KLHL42: variants seen among roughly 807,000 people sequenced by gnomAD.
KLHL42 encodes kelch-like protein 42.
A neutral mutation model predicts 32.7 loss-of-function variants in KLHL42; 27 were observed. The ratio of observed to expected loss-of-function variants is 0.83; its 90% CI spans 0.61 to 1.14. The LOEUF (loss-of-function observed/expected upper bound fraction) is 1.14, where lower values mean the gene tolerates loss of function less well. Among genes scored for constraint, KLHL42 ranks in the 50% most tolerant of loss-of-function variants. The pLI is 0.00. For missense variants in KLHL42, 491 were observed against 560.8 expected (o/e 0.88, Z 1.26); for synonymous variants, 267 against 248.2 (o/e 1.08, Z -0.71).
chr12:27,788,694 C>T (rs573355218), intron 1 of KLHL42, among the ~76,000 whole-genome samples: 214 of 152,284 alleles, frequency 1.4e-3, no homozygotes, highest in Middle Eastern at 3.4e-3. Context: ...GACCCTGTCT[C>T]TTAAAAAGCT....
chr12:27,799,972 T>G lies in KLHL42; in HGVS notation c.*1806T>G. On this transcript the variant is annotated 3_prime_UTR_variant, in exon 3 of 3. Transcript: ENST00000381271. The stretch of plus-strand genomic sequence containing the variant: ...TTCCCAGGAATAGTACTTAATAGAT[T>G]TTAATGTTAATTTATATTCATTGTA... 1 of 893,134 alleles carries G rather than the reference T, an allele frequency of 1.1e-6. No individual in the cohort carries two copies. Among genetic ancestry groups the G allele is most frequent in the Non-Finnish European group, 1.3e-6 (1 of 745,878 alleles). The allele number at this position is 893,134 out of a possible 1,614,324, so 55.3% of individuals were successfully genotyped here. A position where few individuals can be genotyped will look rare whatever the true frequency, so the allele number is the denominator to read the frequency against.
chr12:27,800,704 T>C lies in KLHL42; in HGVS notation c.*2538T>C. 1 of 146,912 alleles carries C rather than the reference T, an allele frequency of 6.8e-6. No individual in the cohort carries two copies. Among genetic ancestry groups the C allele is most frequent in the South Asian group, 2.2e-4 (1 of 4,642 alleles). The allele number at this position is 146,912 out of a possible 1,614,324, so 9.1% of individuals were successfully genotyped here. A position where few individuals can be genotyped will look rare whatever the true frequency, so the allele number is the denominator to read the frequency against. ...GCCTGGGCGACAGTGCAAGACTCTGTCTCCAAAAAAAAAAAAAGAAAAAAG... is the reference window on the plus strand; with the variant it reads ...GCCTGGGCGACAGTGCAAGACTCTGCCTCCAAAAAAAAAAAAAGAAAAAAG... On this transcript the variant is annotated 3_prime_UTR_variant, in exon 3 of 3. Coordinates refer to ENST00000381271, the MANE Select transcript of KLHL42 (RefSeq NM_020782.2).
Position 27,799,624 on chromosome 12 carries a change from G to T in KLHL42, c.*1458G>T, listed in dbSNP as rs1327346273. 1 of 152,508 alleles carries T rather than the reference G, an allele frequency of 6.6e-6. No homozygotes were observed. Among genetic ancestry groups the T allele is most frequent in the Non-Finnish European group, 1.5e-5 (1 of 68,026 alleles). 9.4% of individuals were successfully genotyped at this position (152,508 alleles called of 1,614,324 possible). ...GTGCCTGGAGTATGCCGTCCACTGT[G>T]CAGATGTAGGACAGGGGCTAATCAC... On this transcript the variant is annotated 3_prime_UTR_variant, in exon 3 of 3. Coordinates refer to ENST00000381271, the MANE Select transcript of KLHL42 (RefSeq NM_020782.2).
At chr12:27,782,017 T>C (rs1435546207) in intron 1 of KLHL42, among the ~76,000 whole-genome samples, 1 of 152,110 alleles carries the variant, frequency 6.6e-6, no homozygotes, top group Non-Finnish European at 1.5e-5. Flanking sequence ...GAAATAAAGA[T>C]GGTAGCGCCT....
intron 1 of KLHL42, among the ~76,000 whole-genome samples, chr12:27,789,369 G>T (rs2062186601): frequency 6.6e-6 from 1 of 152,152 alleles, no homozygotes. Context: ...TTAGCAGTAT[G>T]CCTCTTTATT....
rs893827460 is a variant in KLHL42 at position 27,801,048 on chromosome 12, T to A, written c.*2882T>A. ...AGAGGCCTCTCCCCTTAGCATCCTT[T>A]AAAAGGTTTTCTGATGAATGTGTGA... On this transcript the variant is annotated 3_prime_UTR_variant, in exon 3 of 3. Coordinates refer to ENST00000381271, the MANE Select transcript of KLHL42 (RefSeq NM_020782.2). 6.6e-6 allele frequency: 1 copy of A among 152,594 alleles called. No individual in the cohort carries two copies. Among genetic ancestry groups the A allele is most frequent in the Non-Finnish European group, 1.5e-5 (1 of 68,048 alleles). The allele number at this position is 152,594 out of a possible 1,614,324, so 9.5% of individuals were successfully genotyped here. A position where few individuals can be genotyped will look rare whatever the true frequency, so the allele number is the denominator to read the frequency against.
At chr12:27,781,827 T>C (rs2062150530) in intron 1 of KLHL42, among the ~76,000 whole-genome samples, 1 of 152,198 alleles carries the variant, frequency 6.6e-6, no homozygotes, top group Non-Finnish European at 1.5e-5. Context: ...AATTGGAATA[T>C]TTTCATTTAC....
chr12:27,796,944 CATT>C (rs1287511972), intron 2 of KLHL42, among the ~76,000 whole-genome samples: 1 of 152,040 alleles, frequency 6.6e-6, no homozygotes, highest in African/African-American at 2.4e-5. Context: ...GGCCGAAAAT[CATT>C]ATTAATTAAA....
chr12:27,791,976 G>T (rs1298859480), intron 2 of KLHL42, 75 bp downstream of exon 2: 18 of 1,269,336 alleles, frequency 1.4e-5, no homozygotes, highest in South Asian at 6.2e-5. Flanking sequence ...GAGGGTGTCA[G>T]AGGAAGCCCC....
chr12:27,784,996 C>T (rs1365361978), intron 1 of KLHL42, among the ~76,000 whole-genome samples: 1 of 152,160 alleles, frequency 6.6e-6, no homozygotes, highest in East Asian at 1.9e-4. Flanking sequence ...TGCATGTTTT[C>T]CCATGCTGTT....
intron 1 of KLHL42, among the ~76,000 whole-genome samples, chr12:27,789,329 CTTCCCTGTGTA>C (rs2062186365): frequency 1.3e-5 from 2 of 152,212 alleles, no homozygotes; most frequent in Admixed American, 1.3e-4. Flanking sequence ...ATGTCTGAGA[CTTCCCTGTGTA>C]AGCCTGGACT....
intron 1 of KLHL42, among the ~76,000 whole-genome samples, chr12:27,785,081 G>A (rs1270760200): frequency 6.6e-6 from 1 of 152,166 alleles, no homozygotes; most frequent in Non-Finnish European, 1.5e-5. Context: ...AGGGGTGGGT[G>A]GGAGTTATGA....
In KLHL42 at chr12:27,780,930, G is replaced by A. The variant is rs1281934925; in HGVS notation, c.600G>A (p.Gly200=). 2 of 1,605,040 alleles carry A rather than the reference G, an allele frequency of 1.2e-6. No individual in the cohort carries two copies. Among genetic ancestry groups the A allele is most frequent in the Non-Finnish European group, 1.7e-6 (2 of 1,173,192 alleles). ...GGACTCCTGTCCTCGTGGCCCTCGG[G>A]GACTTCCTGGGGGGACCCCTGGCCC... ...MTGTPVLVAL[G]DFLGGPLAPH... The change falls in exon 1 of 3, where the codon GGG becomes GGA. Residue 200 remains glycine, a synonymous_variant. Transcript: ENST00000381271. The surrounding 1 kb of genome is among the most constrained non-coding windows in gnomAD (Gnocchi z 8.8).
At chr12:27,783,223 T>G (rs2062156436) in intron 1 of KLHL42, among the ~76,000 whole-genome samples, 1 of 151,878 alleles carries the variant, frequency 6.6e-6, no homozygotes, top group Non-Finnish European at 1.5e-5. Flanking sequence ...TAAGCGGAAG[T>G]GGATCATCCT....
intron 2 of KLHL42, among the ~76,000 whole-genome samples, chr12:27,795,323 AG>A (rs2062213989): frequency 6.6e-6 from 1 of 152,146 alleles, no homozygotes; most frequent in Admixed American, 6.5e-5. Context: ...AATGTTCTTT[AG>A]ATTTGACCTA....
At chr12:27,790,159 G>A (rs2062190117) in intron 1 of KLHL42, among the ~76,000 whole-genome samples, 1 of 152,054 alleles carries the variant, frequency 6.6e-6, no homozygotes, top group Non-Finnish European at 1.5e-5. Context: ...ATTGTGTTGG[G>A]GTTGGATGTG....
intron 2 of KLHL42, chr12:27,797,227 C>T (rs1337499576): frequency 6.6e-6 from 3 of 455,928 alleles, no homozygotes; most frequent in East Asian, 7.0e-5. Context: ...TGACTTGTAA[C>T]GTTGTGTCCT....
intron 2 of KLHL42, among the ~76,000 whole-genome samples, chr12:27,795,926 G>A (rs140117357): frequency 6.6e-6 from 1 of 152,156 alleles, no homozygotes; most frequent in African/African-American, 2.4e-5. Context: ...AAAGACCTTC[G>A]GGCCTGGAGC....
rs1202663959 is a variant in KLHL42, at chr12:27,800,698, ACT to A, written c.*2535_*2536del. 2 of 149,238 alleles carry A rather than the reference ACT, an allele frequency of 1.3e-5. No individual in the cohort carries two copies. Among genetic ancestry groups the A allele is most frequent in the Admixed American group, 6.8e-5 (1 of 14,780 alleles). The allele number at this position is 149,238 out of a possible 1,614,324, so 9.2% of individuals were successfully genotyped here. On this transcript the variant is annotated 3_prime_UTR_variant, in exon 3 of 3. Transcript: ENST00000381271. Reference sequence around the variant, plus strand: ...ACTCCAGCCTGGGCGACAGTGCAAGACTCTGTCTCCAAAAAAAAAAAAAGAAA... The same window carrying A: ...ACTCCAGCCTGGGCGACAGTGCAAGACTGTCTCCAAAAAAAAAAAAAGAAA...
Sources: allele counts gnomAD v4.1 joint callset (sites outside exome capture counted in the v4.1 genomes callset), GRCh38; gene constraint gnomAD v4.1.1; non-coding constraint Gnocchi (gnomAD v3.1); transcripts MANE v1.5; gene names NCBI Gene and HGNC (gene_info 2026-07-23, HGNC 2026-07-21).